Variants in SIPA1L3 observed in about 807,000 individuals in gnomAD.
The protein encoded by SIPA1L3 is signal induced proliferation associated 1 like 3, also known as signal-induced proliferation-associated 1-like protein 3.
A neutral mutation model predicts 150.1 loss-of-function variants in SIPA1L3; 59 were observed. The ratio of observed to expected loss-of-function variants is 0.39; its 90% CI spans 0.32 to 0.49. SIPA1L3 has a LOEUF of 0.49. SIPA1L3 is among the 20% of genes least tolerant of loss of function. The probability of loss-of-function intolerance (pLI) is 0.86; values close to 1 mark genes in which losing one functional copy is unlikely to be tolerated. For synonymous variants in SIPA1L3, 1,070 were observed against 1,077.6 expected, an observed-to-expected ratio of 0.99 and a Z score of 0.14; for missense variants, 2,211 against 2,489.5, an observed-to-expected ratio of 0.89 and a Z score of 2.38.
chr19:38,169,333 G>C (rs61576753), intron 15 of SIPA1L3, among the ~76,000 whole-genome samples: 5,027 of 152,000 alleles, frequency 0.033, 266 homozygotes, highest in African/African-American at 0.11. Context: ...AGGTTGCAGT[G>C]AGCCGAGATC....
chr19:38,030,088 A>T (rs890510555), intron 2 of SIPA1L3, among the ~76,000 whole-genome samples: 20 of 151,926 alleles, frequency 1.3e-4, no homozygotes, highest in Admixed American at 1.2e-3. Context: ...TCCTGACCTC[A>T]GGTGATCCAT....
intron 2 of SIPA1L3, among the ~76,000 whole-genome samples, chr19:38,041,991 C>T (rs1334522704): frequency 6.6e-6 from 1 of 152,192 alleles, no homozygotes; most frequent in Non-Finnish European, 1.5e-5. Flanking sequence ...GTTTCCCAGT[C>T]CATAGGTTGA....
intron 2 of SIPA1L3, among the ~76,000 whole-genome samples, chr19:38,041,109 C>CT (rs11419928): frequency 0.8 from 103,361 of 129,980 alleles, 41,234 homozygotes; most frequent in Admixed American, 0.86. Flanking sequence ...ATTATTATTA[C>CT]TTTTTTTTTT....
chr19:37,934,050 T>C (rs1227884713), intron 1 of SIPA1L3, among the ~76,000 whole-genome samples: 4 of 152,210 alleles, frequency 2.6e-5, no homozygotes, highest in African/African-American at 7.2e-5. Context: ...ATTCTTGCTC[T>C]GGGGCTGAAC....
intron 1 of SIPA1L3, among the ~76,000 whole-genome samples, chr19:37,945,213 A>C (rs2046699221): frequency 6.6e-6 from 1 of 151,930 alleles, no homozygotes; most frequent in Non-Finnish European, 1.5e-5. Flanking sequence ...TGCAAGTCAG[A>C]GACTGTCTGT....
intron 1 of SIPA1L3, among the ~76,000 whole-genome samples, chr19:37,937,762 A>AAAAAAAAAAAAAAAAAAAAAAAAAAAAC (rs1332436653): frequency 7.5e-6 from 1 of 133,854 alleles, no homozygotes; most frequent in Non-Finnish European, 1.6e-5. Flanking sequence ...AAAAAAAAAA[A>AAAAAAAAAAAAAAAAAAAAAAAAAAAAC]AAGACCAGGC....
intron 1 of SIPA1L3, among the ~76,000 whole-genome samples, chr19:37,929,957 C>T (rs571443311): frequency 1.1e-4 from 17 of 151,818 alleles, no homozygotes; most frequent in African/African-American, 3.9e-4. Context: ...CTCCTGGGCT[C>T]AAGCAATCCT....
At chr19:38,022,008 T>C (rs1012745551) in intron 1 of SIPA1L3, among the ~76,000 whole-genome samples, 1 of 152,250 alleles carries the variant, frequency 6.6e-6, no homozygotes, top group Admixed American at 6.5e-5. Context: ...CCATCTGACA[T>C]TGATGTCTGT....
At chr19:38,151,743 G>A (rs1247207125) in intron 12 of SIPA1L3, among the ~76,000 whole-genome samples, 1 of 151,982 alleles carries the variant, frequency 6.6e-6, no homozygotes, top group African/African-American at 2.4e-5. Flanking sequence ...TAGGCAAATC[G>A]CTTGGGCCCA....
At position 38,164,861 on chromosome 19, in the gene SIPA1L3, C is replaced by T; in HGVS notation, c.4163C>T (p.Pro1388Leu). Residue 1388 changes from proline to leucine, a missense_variant, in exon 15 of 22, where the codon CCC becomes CTC. Physicochemically the swap from Pro to Leu is moderately conservative, Grantham distance 98. Around this residue, in one of 5 missense-constraint regions of SIPA1L3, gnomAD observed 806 missense variants for 870.1 expected, o/e 0.93. Coordinates refer to ENST00000222345, the MANE Select transcript of SIPA1L3 (RefSeq NM_015073.3). The surrounding 1 kb of genome is among the most constrained non-coding windows in gnomAD (Gnocchi z 4.1). ...PKLYSSGSST[P>L]TGLAGGSRDP... ...CTGTACTCCTCCGGCTCCAGCACCC[C>T]CACGGGACTGGCGGGGGGCAGCCGA... The T allele has an allele frequency of 1.3e-6, 2 of 1,581,792 alleles. No homozygotes were observed. Among genetic ancestry groups the T allele is most frequent in the South Asian group, 1.1e-5 (1 of 87,432 alleles).
At position 37,975,483 on chromosome 19, in the gene SIPA1L3, G is replaced by C. The variant is rs897357013; in HGVS notation, c.-378-53606G>C. Among the ~76,000 whole-genome samples, 72 of 152,102 alleles carry C rather than the reference G, an allele frequency of 4.7e-4. 1 individual carries two copies. The highest frequency in any genetic ancestry group is 9.7e-4 in the Non-Finnish European group (66 of 68,024). ...TCCCCACCCACCAGCACGTCACAGT[G>C]TGTCCAGGCTCAGGGTCCCCATCTG... On this transcript the variant is annotated intron_variant, in intron 1 of 21. Transcript: ENST00000222345.
chr19:38,114,042 A>G (rs556736311), intron 8 of SIPA1L3, among the ~76,000 whole-genome samples: 9 of 152,274 alleles, frequency 5.9e-5, no homozygotes, highest in African/African-American at 1.4e-4. Flanking sequence ...GCCGTTTGCA[A>G]TTTTATGATT....
At chr19:37,929,218 A>G (rs1428608242) in intron 1 of SIPA1L3, among the ~76,000 whole-genome samples, 1 of 152,148 alleles carries the variant, frequency 6.6e-6, no homozygotes, top group Non-Finnish European at 1.5e-5. Flanking sequence ...AGCCGGGGCC[A>G]GCCTTACCTG....
chr19:38,183,743 C>T (rs1001485750), intron 16 of SIPA1L3, among the ~76,000 whole-genome samples: 2 of 152,078 alleles, frequency 1.3e-5, no homozygotes, highest in East Asian at 3.9e-4. Context: ...GGGACTGAGA[C>T]TGAAACCCCT....
At chr19:37,995,487 C>T (rs758542929) in intron 1 of SIPA1L3, among the ~76,000 whole-genome samples, 1 of 152,094 alleles carries the variant, frequency 6.6e-6, no homozygotes, top group Non-Finnish European at 1.5e-5. Flanking sequence ...CCCAGCCGGC[C>T]ATAATGCAGC....
chr19:38,114,331 G>A (rs111543446), intron 8 of SIPA1L3, among the ~76,000 whole-genome samples: 4,346 of 151,582 alleles, frequency 0.029, 205 homozygotes, highest in African/African-American at 0.099. Context: ...GCTGAGGCAG[G>A]AGAATCGCTT....
intron 1 of SIPA1L3, among the ~76,000 whole-genome samples, chr19:37,977,590 C>A (rs917730361): frequency 6.6e-6 from 1 of 152,138 alleles, no homozygotes; most frequent in Non-Finnish European, 1.5e-5. Flanking sequence ...CACGCCCCCC[C>A]CCACAGAAGT....
intron 1 of SIPA1L3, among the ~76,000 whole-genome samples, chr19:38,000,507 G>A (rs1345888105): frequency 6.7e-6 from 1 of 149,750 alleles, no homozygotes; most frequent in East Asian, 1.9e-4. Flanking sequence ...AAGAACCTCG[G>A]TTTATAAATA....
At chr19:37,916,157 G>C (rs2046412777) in intron 1 of SIPA1L3, among the ~76,000 whole-genome samples, 1 of 151,756 alleles carries the variant, frequency 6.6e-6, no homozygotes, top group Non-Finnish European at 1.5e-5. Flanking sequence ...CTCCACAGTA[G>C]CTGGGATTAC....
Sources: allele counts gnomAD v4.1 joint callset (sites outside exome capture counted in the v4.1 genomes callset), GRCh38; gene constraint gnomAD v4.1.1; regional missense constraint gnomAD v4.1.1; non-coding constraint Gnocchi (gnomAD v3.1); transcripts MANE v1.5; gene names NCBI Gene and HGNC (gene_info 2026-07-23, HGNC 2026-07-21).